Variants in RTEL1 observed in about 807,000 individuals in gnomAD.
RTEL1 encodes the protein regulator of telomere length.
In RTEL1, 86 loss-of-function variants were observed where a neutral mutation model predicts 162.2. That is an observed-to-expected ratio of 0.53 (90% CI 0.45 to 0.63). The LOEUF (loss-of-function observed/expected upper bound fraction) is 0.63, where lower values mean the gene tolerates loss of function less well. Among genes scored for constraint, RTEL1 ranks in the 30% least tolerant of loss-of-function variants. The pLI, the probability that RTEL1 is intolerant of heterozygous loss-of-function variation, is 0.00. For synonymous variants in RTEL1, 958 were observed against 717.9 expected (o/e 1.33, Z -5.35); for missense variants, 1,941 against 1,750.2 (o/e 1.11, Z -1.95).
intron 10 of RTEL1, 46 bp from the exon 11 acceptor site, chr20:63,678,099 G>C: frequency 1.9e-6 from 3 of 1,612,566 alleles, no homozygotes; most frequent in Non-Finnish European, 2.5e-6. Flanking sequence ...GGGGTTGTTG[G>C]CACGAGCGTG....
intron 14 of RTEL1, chr20:63,681,184 G>A (rs2090471141): frequency 2.0e-6 from 2 of 985,420 alleles, no homozygotes; most frequent in Non-Finnish European, 2.4e-6. Context: ...GTGCGACCCT[G>A]GCCCCCTTCT....
intron 14 of RTEL1, among the ~76,000 whole-genome samples, chr20:63,684,679 G>C (rs1245630930): frequency 6.6e-6 from 1 of 151,958 alleles, no homozygotes; most frequent in African/African-American, 2.4e-5. Flanking sequence ...TGCCATGTTG[G>C]CCAGGCTGGT....
chr20:63,692,294 C>T, intron 28 of RTEL1: 1 of 223,466 alleles, frequency 4.5e-6, no homozygotes, highest in Admixed American at 5.2e-5. Flanking sequence ...GGGCTGGTGC[C>T]ATCAGGAAGT....
At chr20:63,680,088 G>T in intron 13 of RTEL1, 142 bp downstream of exon 13, 1 of 627,022 alleles carries the variant, frequency 1.6e-6, no homozygotes, top group South Asian at 2.0e-5. Flanking sequence ...CTTCTGATCG[G>T]GGCGTGGAGG....
intron 10 of RTEL1, among the ~76,000 whole-genome samples, chr20:63,674,649 C>T (rs888938580): frequency 6.6e-6 from 1 of 151,174 alleles, no homozygotes; most frequent in African/African-American, 2.4e-5. Context: ...TCCGGTGCCC[C>T]AGATGACTCC....
chr20:63,694,025 C>A (rs1031557344), intron 30 of RTEL1, among the ~76,000 whole-genome samples: 14 of 151,916 alleles, frequency 9.2e-5, no homozygotes, highest in Non-Finnish European at 1.6e-4. Flanking sequence ...TAATGAACAG[C>A]CCCTACAGAG....
intron 10 of RTEL1, among the ~76,000 whole-genome samples, chr20:63,676,033 T>C (rs1258612143): frequency 2.0e-5 from 3 of 152,134 alleles, no homozygotes. Flanking sequence ...TTCTGCCATC[T>C]CATTCAGGAC....
Position 63,668,325 on chromosome 20 carries a change from C to A in RTEL1, c.699+772C>A, listed in dbSNP as rs967298965. Among the ~76,000 whole-genome samples the A allele has an allele frequency of 6.6e-6, 1 of 152,214 alleles. No individual in the cohort carries two copies. Among genetic ancestry groups the A allele is most frequent in the Non-Finnish European group, 1.5e-5 (1 of 68,044 alleles). ...AGATCCCGTCGTTGGTTCGCTCATT[C>A]TCGGGGTGTATATTTATTGAGAGCT... On this transcript the variant is annotated intron_variant, in intron 8 of 34. Coordinates refer to ENST00000360203, the MANE Select transcript of RTEL1 (RefSeq NM_001283009.2). The surrounding 1 kb of genome is among the most constrained non-coding windows in gnomAD (Gnocchi z 4.3).
chr20:63,670,807 A>T (rs2146187266), intron 8 of RTEL1, among the ~76,000 whole-genome samples: 1 of 133,762 alleles, frequency 7.5e-6, no homozygotes, highest in East Asian at 2.0e-4. Context: ...ACATAGGGAG[A>T]CCCCATCTCA....
At position 63,678,339 on chromosome 20, in the gene RTEL1, C is replaced by T. The variant is rs147789792; in HGVS notation, c.1030C>T (p.Pro344Ser). 1.1e-5 allele frequency: 17 copies of T among 1,611,912 alleles called. No homozygotes were observed. In the East Asian group the frequency reaches 3.6e-4, roughly 34 times the overall value. Residue 344 changes from proline to serine, a missense_variant, in exon 12 of 35, where the codon CCA becomes TCA. Physicochemically the swap from Pro to Ser is moderately conservative, Grantham distance 74. Coordinates refer to ENST00000360203, the MANE Select transcript of RTEL1 (RefSeq NM_001283009.2). ...TGGAGACGACAGCGGTGTCACCAAG[C>T]CAGGGAGGTGAGAGGCGGGGAGCCA... ...LPGDDSGVTK[P>S]GSYIFELFAE...
chr20:63,688,992 C>G (rs980819769), intron 21 of RTEL1, 63 bp from the exon 22 acceptor site: 4 of 1,440,054 alleles, frequency 2.8e-6, no homozygotes, highest in African/African-American at 2.8e-5. Context: ...CTGGGTCTCC[C>G]TCATGGGGGA....
rs1419898449 is a variant in RTEL1, at chr20:63,692,791, C to A, written c.2653-14C>A. On this transcript the variant is annotated splice_polypyrimidine_tract_variant and intron_variant, in intron 28 of 34. Coordinates refer to ENST00000360203, the MANE Select transcript of RTEL1 (RefSeq NM_001283009.2). Reference sequence around the variant, plus strand: ...AGGCTGGCCCTGATGGAGCCTCGGGCCTGTGTCCTGCAGGAGGAGCCCGTG... The same window carrying A: ...AGGCTGGCCCTGATGGAGCCTCGGGACTGTGTCCTGCAGGAGGAGCCCGTG... 1.2e-6 allele frequency: 2 copies of A among 1,606,954 alleles called. No individual in the cohort carries two copies. Among genetic ancestry groups the A allele is most frequent in the African/African-American group, 1.3e-5 (1 of 74,810 alleles).
chr20:63,681,396 G>C, intron 14 of RTEL1: 3 of 985,202 alleles, frequency 3.0e-6, no homozygotes, highest in Non-Finnish European at 3.6e-6. Context: ...GTCCCTGACT[G>C]GGGAAGCCAA....
intron 6 of RTEL1, among the ~76,000 whole-genome samples, chr20:63,664,290 C>T (rs938482312): frequency 6.6e-6 from 1 of 152,228 alleles, no homozygotes; most frequent in African/African-American, 2.4e-5. Context: ...GACAGGAGTG[C>T]CTGCTGGGTG....
intron 5 of RTEL1, 34 bp downstream of exon 5, chr20:63,662,661 C>CGG (rs2090044418): frequency 6.2e-7 from 1 of 1,612,870 alleles, no homozygotes; most frequent in African/African-American, 1.3e-5. Flanking sequence ...GGCTCAGTGT[C>CGG]CGACAGGCGA....
rs149145821 is a variant in RTEL1, at chr20:63,695,185, G to A, written c.3463G>A (p.Val1155Met). The change falls in exon 33 of 35, where the codon GTG (valine) becomes ATG (methionine). Residue 1155 changes from valine (V) to methionine (M), a missense_variant. Physicochemically the swap from Val to Met is conservative, Grantham distance 21. Transcript: ENST00000360203. ...PPGPQEERLA[V>M]PPVLTHRAPQ... Reference sequence around the variant, plus strand: ...GGGACCCCAGGAGGAGAGGCTTGCCGTGCCTCCTGTGCTTACCCACAGGGC... The same window carrying A: ...GGGACCCCAGGAGGAGAGGCTTGCCATGCCTCCTGTGCTTACCCACAGGGC... 9.2e-5 allele frequency: 148 copies of A among 1,612,096 alleles called. No homozygotes were observed. In the East Asian group the frequency reaches 1.1e-3, roughly 12 times the overall value.
chr20:63,688,706 G>T (rs556849550), intron 21 of RTEL1, 101 bp downstream of exon 21: 3 of 1,090,758 alleles, frequency 2.8e-6, no homozygotes, highest in Non-Finnish European at 2.6e-6. Flanking sequence ...CATGGGCTCC[G>T]GCGGCTCCCG....
chr20:63,694,033 G>A (rs1601192417), intron 30 of RTEL1, among the ~76,000 whole-genome samples: 1 of 151,970 alleles, frequency 6.6e-6, no homozygotes, highest in Admixed American at 6.5e-5. Flanking sequence ...AGCCCCTACA[G>A]AGTTCCCCTA....
rs777153220 is a variant in RTEL1, at chr20:63,690,131, G to A, written c.2186G>A (p.Arg729His). 10 of 1,612,374 alleles carry A rather than the reference G, an allele frequency of 6.2e-6. No individual in the cohort carries two copies. The highest frequency in any genetic ancestry group is 2.2e-5 in the East Asian group (1 of 44,878). ...AGAGCCCAACTGCCCTCCTGGGTGCGTCCCCACGTCAGGGTGTATGACAAC... is the reference window on the plus strand; with the variant it reads ...AGAGCCCAACTGCCCTCCTGGGTGCATCCCCACGTCAGGGTGTATGACAAC... The part of the protein sequence containing the change: ...DARAQLPSWV[R>H]PHVRVYDNFG... Residue 729 changes from arginine to histidine, a missense_variant, in exon 25 of 35, where the codon CGT becomes CAT. Arg to His is a conservative substitution (Grantham distance 29). Coordinates refer to ENST00000360203, the MANE Select transcript of RTEL1 (RefSeq NM_001283009.2).
Sources: allele counts gnomAD v4.1 joint callset (sites outside exome capture counted in the v4.1 genomes callset), GRCh38; gene constraint gnomAD v4.1.1; non-coding constraint Gnocchi (gnomAD v3.1); transcripts MANE v1.5; gene names NCBI Gene and HGNC (gene_info 2026-07-23, HGNC 2026-07-21).